RABGAP1L: variants seen among roughly 807,000 people sequenced by gnomAD.
RABGAP1L encodes rab GTPase-activating protein 1-like.
Under a neutral mutation model 137.7 loss-of-function variants are expected in RABGAP1L, and 63 were observed. That is an observed-to-expected ratio of 0.46 (90% CI 0.37 to 0.56). The LOEUF (loss-of-function observed/expected upper bound fraction) is 0.56. Among genes scored for constraint, RABGAP1L ranks in the 20% least tolerant of loss-of-function variants. RABGAP1L has a pLI of 0.00. For synonymous variants in RABGAP1L, 431 were observed against 433.7 expected (o/e 0.99, Z 0.08); for missense variants, 1,095 against 1,244.0 (o/e 0.88, Z 1.80).
intron 13 of RABGAP1L, among the ~76,000 whole-genome samples, chr1:174,418,904 A>G (rs1017787147): frequency 1.3e-5 from 2 of 152,050 alleles, no homozygotes; most frequent in Admixed American, 6.6e-5. Context: ...CAGGTGTGGT[A>G]GTGTGCACCT....
At chr1:174,435,287 G>A (rs2149209751) in intron 13 of RABGAP1L, among the ~76,000 whole-genome samples, 1 of 152,176 alleles carries the variant, frequency 6.6e-6, no homozygotes, top group Non-Finnish European at 1.5e-5. Flanking sequence ...CAAAGTGCTG[G>A]GATTATAAGT....
intron 13 of RABGAP1L, among the ~76,000 whole-genome samples, chr1:174,611,057 T>A (rs1347828913): frequency 1.3e-5 from 2 of 150,146 alleles, no homozygotes; most frequent in East Asian, 1.9e-4. Flanking sequence ...CTCTTTAGTT[T>A]AATTAGATCC....
chr1:174,899,737 A>G (rs562478561), intron 19 of RABGAP1L, among the ~76,000 whole-genome samples: 19 of 152,154 alleles, frequency 1.2e-4, no homozygotes, highest in Non-Finnish European at 2.6e-4. Context: ...TCCTATGTCT[A>G]TTTTTTTGAA....
chr1:174,402,706 G>A (rs983078162), intron 13 of RABGAP1L, among the ~76,000 whole-genome samples: 2 of 152,086 alleles, frequency 1.3e-5, no homozygotes, highest in African/African-American at 4.8e-5. Flanking sequence ...TTTTCATAAC[G>A]TTTGAGGTGA....
intron 13 of RABGAP1L, among the ~76,000 whole-genome samples, chr1:174,514,039 G>A (rs553108310): frequency 6.6e-6 from 1 of 152,030 alleles, no homozygotes; most frequent in African/African-American, 2.4e-5. Flanking sequence ...TAAAGATGAA[G>A]GTTCAGCTAT....
intron 1 of RABGAP1L, among the ~76,000 whole-genome samples, chr1:174,195,240 C>G (rs929412786): frequency 6.6e-6 from 1 of 152,168 alleles, no homozygotes; most frequent in Non-Finnish European, 1.5e-5. Context: ...AGGGCTAAGT[C>G]TGAGATTAAC....
At chr1:174,943,133 A>G (rs1378816156) in intron 19 of RABGAP1L, among the ~76,000 whole-genome samples, 2 of 152,200 alleles carry the variant, frequency 1.3e-5, no homozygotes, top group Non-Finnish European at 2.9e-5. Flanking sequence ...ACTGTGCTCC[A>G]GCAACTGGCC....
chr1:174,364,831 T>TA (rs1429471836), intron 11 of RABGAP1L, among the ~76,000 whole-genome samples: 1 of 152,106 alleles, frequency 6.6e-6, no homozygotes, highest in East Asian at 1.9e-4. Flanking sequence ...CAAGAGTTCT[T>TA]TAGTTGGCAG....
chr1:174,815,727 A>G (rs1175362022), intron 19 of RABGAP1L, among the ~76,000 whole-genome samples: 2 of 152,240 alleles, frequency 1.3e-5, no homozygotes, highest in Non-Finnish European at 2.9e-5. Flanking sequence ...TTTTTCCAAA[A>G]CTTGTATGAC....
intron 13 of RABGAP1L, among the ~76,000 whole-genome samples, chr1:174,471,111 A>G (rs1657885165): frequency 6.6e-6 from 1 of 151,874 alleles, no homozygotes; most frequent in Non-Finnish European, 1.5e-5. Flanking sequence ...CTTTGCATGG[A>G]CTTCTTTGGG....
chr1:174,772,567 C>CAAAAAAAAA (rs60690186), intron 18 of RABGAP1L, among the ~76,000 whole-genome samples: 1 of 53,074 alleles, frequency 1.9e-5, no homozygotes, highest in African/African-American at 8.2e-5. Context: ...GACTCCATCT[C>CAAAAAAAAA]AAAAAAAAAA....
chr1:174,897,413 A>T (rs1486724258), intron 19 of RABGAP1L: 2 of 152,190 alleles, frequency 1.3e-5, no homozygotes, highest in African/African-American at 2.4e-5. Context: ...ATCGTATGAA[A>T]TCATTGTTAA....
intron 19 of RABGAP1L, among the ~76,000 whole-genome samples, chr1:174,854,389 C>T (rs1395469587): frequency 1.3e-5 from 2 of 152,016 alleles, no homozygotes; most frequent in Non-Finnish European, 2.9e-5. Flanking sequence ...ATTCATAAAA[C>T]ACTAGGGGAA....
At chr1:174,394,249 A>G (rs1647542238) in intron 13 of RABGAP1L, 104 bp downstream of exon 13, 1 of 1,372,728 alleles carries the variant, frequency 7.3e-7, no homozygotes, top group Admixed American at 2.2e-5. Flanking sequence ...CTTCTTCATG[A>G]ATATATTGAG....
intron 19 of RABGAP1L, among the ~76,000 whole-genome samples, chr1:174,929,189 A>G (rs1012115590): frequency 2.6e-5 from 4 of 152,144 alleles, no homozygotes; most frequent in African/African-American, 9.7e-5. Context: ...CACTGTGCAC[A>G]TGTACCCTAG....
At chr1:174,614,234 C>G (rs953621055) in intron 13 of RABGAP1L, among the ~76,000 whole-genome samples, 3 of 152,068 alleles carry the variant, frequency 2.0e-5, no homozygotes, top group African/African-American at 7.2e-5. Flanking sequence ...CCTTCAGGAG[C>G]TCTTTTAGGG....
At chr1:174,619,568 C>G (rs536724110) in intron 13 of RABGAP1L, among the ~76,000 whole-genome samples, 2 of 152,150 alleles carry the variant, frequency 1.3e-5, no homozygotes, top group East Asian at 1.9e-4. Flanking sequence ...GAAATAAACT[C>G]CTTTACAGAC....
intron 1 of RABGAP1L, among the ~76,000 whole-genome samples, chr1:174,172,709 T>A (rs1007942705): frequency 7.9e-5 from 12 of 152,158 alleles, no homozygotes; most frequent in African/African-American, 2.9e-4. Context: ...CGTTTTGTTT[T>A]GTTTTTTGCT....
At chr1:174,356,400 G>GA (rs373868886) in intron 11 of RABGAP1L, among the ~76,000 whole-genome samples, 1 of 151,488 alleles carries the variant, frequency 6.6e-6, no homozygotes. Flanking sequence ...GTTAAAAAAA[G>GA]AAAAAAAATG....
Sources: gnomAD v4.1 joint callset for allele counts (sites outside exome capture counted in the v4.1 genomes callset) on GRCh38, gnomAD v4.1.1 for gene constraint, MANE v1.5 for transcripts, NCBI Gene and HGNC (gene_info 2026-07-23, HGNC 2026-07-21) for gene names.